The following EXT1 variants were observed in gnomAD, a reference collection of about 807,000 sequenced individuals.
EXT1 encodes the protein exostosin-1.
A neutral mutation model predicts 82.5 loss-of-function variants in EXT1; 20 were observed. That is an observed-to-expected ratio of 0.24 (90% CI 0.17 to 0.35). The LOEUF (loss-of-function observed/expected upper bound fraction) is 0.35, where lower values mean the gene tolerates loss of function less well. EXT1 is among the 10% of genes least tolerant of loss of function. The pLI is 1.00. For synonymous variants in EXT1, 348 were observed against 350.8 expected, an observed-to-expected ratio of 0.99 and a Z score of 0.09; for missense variants, 757 against 936.5, an observed-to-expected ratio of 0.81 and a Z score of 2.50.
rs146244296 is a variant in EXT1, at chr8:117,849,573, C to T, written c.963-12372G>A. ...AGTTTTCTTTCATCTTTGTTTTATA[C>T]GACGCTAGCTTTCTCTCTCTAGTTA... On this transcript the variant is annotated intron_variant, in intron 1 of 10. Coordinates refer to ENST00000378204, the MANE Select transcript of EXT1 (RefSeq NM_000127.3). Among the ~76,000 whole-genome samples, 195 of 152,038 alleles carry T rather than the reference C, an allele frequency of 1.3e-3. 1 individual carries two copies. Among genetic ancestry groups the T allele is most frequent in the African/African-American group, 2.9e-3 (120 of 41,494 alleles).
At chr8:118,038,531 C>G (rs1036013752) in intron 1 of EXT1, among the ~76,000 whole-genome samples, 2 of 152,150 alleles carry the variant, frequency 1.3e-5, no homozygotes, top group Non-Finnish European at 2.9e-5. Flanking sequence ...AAAAACAGCT[C>G]AGGTCAGCTG....
chr8:117,916,652 C>A (rs748183048), intron 1 of EXT1, among the ~76,000 whole-genome samples: 4 of 152,208 alleles, frequency 2.6e-5, no homozygotes, highest in Non-Finnish European at 5.9e-5. Flanking sequence ...GTGACTCACA[C>A]CTGTAATCCC....
At chr8:118,099,823 T>G (rs1482104628) in intron 1 of EXT1, among the ~76,000 whole-genome samples, 1 of 152,240 alleles carries the variant, frequency 6.6e-6, no homozygotes, top group East Asian at 1.9e-4. Flanking sequence ...TATGAGTTGC[T>G]GTTGCTGTTA....
intron 1 of EXT1, among the ~76,000 whole-genome samples, chr8:117,885,678 C>T (rs1455388393): frequency 6.6e-6 from 1 of 152,144 alleles, no homozygotes; most frequent in Non-Finnish European, 1.5e-5. Context: ...CAACTTGTTC[C>T]ACCAAGACTT....
intron 1 of EXT1, among the ~76,000 whole-genome samples, chr8:117,940,630 A>C (rs1453590895): frequency 6.6e-6 from 1 of 152,200 alleles, no homozygotes; most frequent in African/African-American, 2.4e-5. Flanking sequence ...GCCAATCCAC[A>C]GTGATACAAG....
intron 1 of EXT1, among the ~76,000 whole-genome samples, chr8:118,081,129 C>T (rs931820826): frequency 3.9e-5 from 6 of 152,196 alleles, no homozygotes; most frequent in East Asian, 1.9e-4. Flanking sequence ...ACCATTTTAC[C>T]GATGAGGAAA....
intron 1 of EXT1, among the ~76,000 whole-genome samples, chr8:118,106,540 C>A (rs1359387418): frequency 1.3e-5 from 2 of 152,270 alleles, no homozygotes; most frequent in Non-Finnish European, 2.9e-5. Context: ...AAGGGAAATA[C>A]CAAAAAGAAT....
chr8:118,049,809 G>GA (rs1271739242), intron 1 of EXT1, among the ~76,000 whole-genome samples: 6 of 152,090 alleles, frequency 3.9e-5, no homozygotes, highest in East Asian at 1.9e-4. Context: ...GTTAATGGGG[G>GA]AAAAACCACA....
At chr8:118,037,335 A>C (rs1044322788) in intron 1 of EXT1, among the ~76,000 whole-genome samples, 23 of 151,666 alleles carry the variant, frequency 1.5e-4, no homozygotes, top group Non-Finnish European at 2.8e-4. Flanking sequence ...GAAAATGCCA[A>C]TGTCTGCCCT....
In EXT1 at chr8:118,003,532, A is replaced by G. The variant is rs528670355; in HGVS notation, c.962+106553T>C. On this transcript the variant is annotated intron_variant, in intron 1 of 10. Coordinates refer to ENST00000378204, the MANE Select transcript of EXT1 (RefSeq NM_000127.3). Reference sequence around the variant, plus strand: ...AAAATCAAAGAAGGGAAATTTAAAAAATCAGTTTCCCTTAAAAGCCAACTA... The same window carrying G: ...AAAATCAAAGAAGGGAAATTTAAAAGATCAGTTTCCCTTAAAAGCCAACTA... Among the ~76,000 whole-genome samples the G allele has an allele frequency of 2.7e-3, 408 of 152,324 alleles. 3 individuals carry two copies. Among genetic ancestry groups the G allele is most frequent in the African/African-American group, 9.0e-3 (376 of 41,580 alleles).
chr8:117,945,173 A>T (rs1432677005), intron 1 of EXT1, among the ~76,000 whole-genome samples: 2 of 152,218 alleles, frequency 1.3e-5, no homozygotes, highest in Non-Finnish European at 1.5e-5. Context: ...AGAAAAAAAT[A>T]AAATAAAAAA....
chr8:117,828,862 G>A (rs1812050856), intron 4 of EXT1, among the ~76,000 whole-genome samples: 1 of 152,132 alleles, frequency 6.6e-6, no homozygotes, highest in African/African-American at 2.4e-5. Context: ...CCTAGGGTGG[G>A]AGCAGGAGCC....
chr8:117,944,651 A>G (rs1814351975), intron 1 of EXT1, among the ~76,000 whole-genome samples: 1 of 152,208 alleles, frequency 6.6e-6, no homozygotes, highest in Non-Finnish European at 1.5e-5. Flanking sequence ...GAACAATTCC[A>G]TTAAAATTGG....
At chr8:117,819,264 T>C (rs1048442308) in intron 6 of EXT1, among the ~76,000 whole-genome samples, 1 of 152,190 alleles carries the variant, frequency 6.6e-6, no homozygotes, top group African/African-American at 2.4e-5. Context: ...AAAAGAAAAG[T>C]TGACACTTCA....
At chr8:117,931,595 C>A (rs1173598049) in intron 1 of EXT1, among the ~76,000 whole-genome samples, 2 of 151,954 alleles carry the variant, frequency 1.3e-5, no homozygotes, top group Non-Finnish European at 2.9e-5. Flanking sequence ...GGCTGTTTTA[C>A]CAAGGTTATC....
chr8:117,884,693 T>C (rs901565567), intron 1 of EXT1, among the ~76,000 whole-genome samples: 2 of 152,144 alleles, frequency 1.3e-5, no homozygotes, highest in African/African-American at 4.8e-5. Flanking sequence ...TGAAACTGTG[T>C]GAATCCCACT....
At chr8:118,077,472 C>A (rs1817232739) in intron 1 of EXT1, among the ~76,000 whole-genome samples, 1 of 152,176 alleles carries the variant, frequency 6.6e-6, no homozygotes, top group African/African-American at 2.4e-5. Context: ...GCTACAAGAG[C>A]CTATCCTGAA....
At chr8:117,855,184 CCAAA>C (rs1260611675) in intron 1 of EXT1, among the ~76,000 whole-genome samples, 1 of 152,196 alleles carries the variant, frequency 6.6e-6, no homozygotes, top group Non-Finnish European at 1.5e-5. Context: ...ACCTAAAACA[CCAAA>C]CTAAGTGGCA....
intron 1 of EXT1, among the ~76,000 whole-genome samples, chr8:117,961,800 G>A (rs1414241405): frequency 2.0e-5 from 3 of 152,110 alleles, no homozygotes; most frequent in Non-Finnish European, 4.4e-5. Flanking sequence ...TCTTAATGGC[G>A]GGCTGAGCTC....
Sources: allele counts gnomAD v4.1 joint callset (sites outside exome capture counted in the v4.1 genomes callset), GRCh38; gene constraint gnomAD v4.1.1; transcripts MANE v1.5; gene names NCBI Gene and HGNC (gene_info 2026-07-23, HGNC 2026-07-21).